PPP1R9A: variants seen among roughly 807,000 people sequenced by gnomAD.
The protein encoded by PPP1R9A is protein phosphatase 1 regulatory subunit 9A, also known as neurabin-1.
In PPP1R9A, 59 loss-of-function variants were observed where a neutral mutation model predicts 141.9. The observed-to-expected ratio is 0.42, with a 90% CI of 0.34 to 0.52. The LOEUF is 0.52. Ranked by LOEUF, PPP1R9A falls within the 20% of genes least tolerant of loss-of-function variation. PPP1R9A has a pLI of 0.10. For missense variants in PPP1R9A, 1,444 were observed against 1,611.9 expected (o/e 0.90, Z 1.78); for synonymous variants, 500 against 569.7 (o/e 0.88, Z 1.74).
Position 95,269,258 on chromosome 7 carries a change from A to T in PPP1R9A, c.2875A>T (p.Lys959Ter). 1 of 1,571,680 alleles carries T rather than the reference A, an allele frequency of 6.4e-7. No homozygotes were observed. The change falls in exon 14 of 20, where the codon AAG becomes TAG. Residue 959 changes from lysine to a stop codon, truncating the protein, a stop_gained. Transcript: ENST00000433360. LOFTEE classifies it high-confidence loss of function. ...HMHITKLLPP[K>*]GLRTSSPESD... Reference sequence around the variant, plus strand: ...GCATATTACCAAATTACTTCCACCTAAGGGTTTGAGAACGTCTTCTCCAGA... The same window carrying T: ...GCATATTACCAAATTACTTCCACCTTAGGGTTTGAGAACGTCTTCTCCAGA...
At chr7:95,167,172 T>C (rs1455796329) in intron 5 of PPP1R9A, among the ~76,000 whole-genome samples, 2 of 152,106 alleles carry the variant, frequency 1.3e-5, no homozygotes, top group African/African-American at 4.8e-5. Flanking sequence ...ACATCTTACA[T>C]GGATGACAGC....
intron 2 of PPP1R9A, among the ~76,000 whole-genome samples, chr7:95,058,803 T>C (rs1313539585): frequency 3.3e-5 from 5 of 151,968 alleles, no homozygotes; most frequent in Non-Finnish European, 5.9e-5. Flanking sequence ...TTTCTTTTTT[T>C]TTTTGAGATG....
intron 12 of PPP1R9A, among the ~76,000 whole-genome samples, chr7:95,262,930 T>G (rs371854285): frequency 1.3e-5 from 2 of 152,170 alleles, no homozygotes; most frequent in Non-Finnish European, 1.5e-5. Flanking sequence ...CCGTGTCTAA[T>G]TCAGTACATC....
intron 5 of PPP1R9A, among the ~76,000 whole-genome samples, chr7:95,189,788 C>T (rs1335555796): frequency 2.0e-5 from 3 of 152,096 alleles, no homozygotes; most frequent in Admixed American, 6.5e-5. Context: ...GGGTTAAAGA[C>T]CTTGACTTTG....
At chr7:95,044,972 T>C (rs1005439420) in intron 2 of PPP1R9A, among the ~76,000 whole-genome samples, 8 of 151,988 alleles carry the variant, frequency 5.3e-5, no homozygotes, top group Non-Finnish European at 1.0e-4. Flanking sequence ...ATAAAAATGA[T>C]GAAAATAATA....
intron 2 of PPP1R9A, among the ~76,000 whole-genome samples, chr7:94,979,179 CAGTT>C (rs1366662188): frequency 2.0e-5 from 3 of 152,150 alleles, no homozygotes; most frequent in African/African-American, 7.2e-5. Context: ...AAGGGAGAGA[CAGTT>C]GGTTTACTAT....
chr7:95,074,454 T>G (rs1563199742), intron 2 of PPP1R9A, among the ~76,000 whole-genome samples: 1 of 142,798 alleles, frequency 7.0e-6, no homozygotes, highest in African/African-American at 2.7e-5. Context: ...AAGACTACAT[T>G]GCTTTTTTTT....
intron 6 of PPP1R9A, among the ~76,000 whole-genome samples, chr7:95,200,997 C>T (rs1563405874): frequency 6.6e-6 from 1 of 152,158 alleles, no homozygotes; most frequent in Admixed American, 6.5e-5. Flanking sequence ...CATGTAAGAA[C>T]ACTCCTGCAG....
At chr7:95,190,217 C>G (rs957923264) in intron 5 of PPP1R9A, among the ~76,000 whole-genome samples, 5 of 152,166 alleles carry the variant, frequency 3.3e-5, no homozygotes, top group Admixed American at 1.3e-4. Flanking sequence ...CATGGGTGAT[C>G]CCTTGATGTG....
intron 7 of PPP1R9A, among the ~76,000 whole-genome samples, chr7:95,212,748 C>T (rs1792401694): frequency 6.6e-6 from 1 of 152,120 alleles, no homozygotes; most frequent in Admixed American, 6.6e-5. Flanking sequence ...ATTGATCCTG[C>T]TGTACCTGGT....
chr7:95,295,175 CGAGGTCAGTCAG>C lies in PPP1R9A; in HGVS notation c.*4875_*4886del, dbSNP rs374956419. On this transcript the variant is annotated 3_prime_UTR_variant, in exon 20 of 20. Transcript: ENST00000433360. ...AAAATATATTGTGTATGGAACTTGG[CGAGGTCAGTCAG>C]GACCTGGAGCTGTAATCATAGCCTT... The C allele has an allele frequency of 5.9e-4, 90 of 152,702 alleles. No individual in the cohort carries two copies. Among genetic ancestry groups the C allele is most frequent in the African/African-American group, 2.1e-3 (86 of 41,552 alleles). The allele number at this position is 152,702 out of a possible 1,614,324, so 9.5% of individuals were successfully genotyped here. A position where few individuals can be genotyped will look rare whatever the true frequency, so the allele number is the denominator to read the frequency against.
intron 2 of PPP1R9A, among the ~76,000 whole-genome samples, chr7:94,930,164 A>G (rs1327855833): frequency 6.6e-6 from 1 of 152,154 alleles, no homozygotes; most frequent in African/African-American, 2.4e-5. Flanking sequence ...TGTCATTGGG[A>G]TACTGTGAGG....
At chr7:95,282,111 C>G (rs1804352554) in intron 16 of PPP1R9A, among the ~76,000 whole-genome samples, 1 of 139,752 alleles carries the variant, frequency 7.2e-6, no homozygotes. Flanking sequence ...CCTGTAATCG[C>G]AGCACTTTGG....
chr7:94,911,441 T>C lies in PPP1R9A; in HGVS notation c.1328T>C (p.Val443Ala). The change falls in exon 2 of 20, where the codon GTT (valine) becomes GCT (alanine). Residue 443 changes from valine (V) to alanine (A), a missense_variant. By Grantham distance (64) the Val-to-Ala change is moderately conservative. Around this residue, in one of 5 missense-constraint regions of PPP1R9A, gnomAD observed 490 missense variants for 521.1 expected, o/e 0.94. Transcript: ENST00000433360. Reference protein sequence around the residue: ...YQPDMEYSEIVGLPEEEEIPA... With the variant: ...YQPDMEYSEIAGLPEEEEIPA... Reference sequence around the variant, plus strand: ...CCTGATATGGAGTACTCGGAAATTGTTGGATTGCCAGAAGAAGAAGAAATC... The same window carrying C: ...CCTGATATGGAGTACTCGGAAATTGCTGGATTGCCAGAAGAAGAAGAAATC... 3.1e-6 allele frequency: 5 copies of C among 1,613,844 alleles called. No individual in the cohort carries two copies. The highest frequency in any genetic ancestry group is 2.2e-5 in the East Asian group (1 of 44,886).
At chr7:95,130,277 G>T (rs866083102) in intron 4 of PPP1R9A, among the ~76,000 whole-genome samples, 2 of 152,160 alleles carry the variant, frequency 1.3e-5, no homozygotes, top group African/African-American at 4.8e-5. Context: ...GGTAGCTAGC[G>T]CTTGGGCTGT....
chr7:95,097,898 G>A (rs1818254210), intron 2 of PPP1R9A, among the ~76,000 whole-genome samples: 1 of 152,212 alleles, frequency 6.6e-6, no homozygotes, highest in African/African-American at 2.4e-5. Context: ...ATTGGTTTAT[G>A]CATATGTTGA....
At chr7:94,981,779 AGTTG>A (rs1054855788) in intron 2 of PPP1R9A, among the ~76,000 whole-genome samples, 1 of 152,036 alleles carries the variant, frequency 6.6e-6, no homozygotes, top group Non-Finnish European at 1.5e-5. Context: ...GGTTGTTACA[AGTTG>A]CTGTGATTAT....
intron 2 of PPP1R9A, among the ~76,000 whole-genome samples, chr7:95,025,265 C>T (rs1314121618): frequency 4.8e-4 from 73 of 152,046 alleles, no homozygotes; most frequent in Non-Finnish European, 4.4e-5. Flanking sequence ...CGGGGTTTCA[C>T]CATGTTGGCC....
intron 2 of PPP1R9A, among the ~76,000 whole-genome samples, chr7:94,959,126 GGA>G (rs1333693074): frequency 6.6e-6 from 1 of 151,772 alleles, no homozygotes; most frequent in Non-Finnish European, 1.5e-5. Context: ...TTTTGCCTAT[GGA>G]AAGAATCATT....
Sources: gnomAD v4.1 joint callset for allele counts (sites outside exome capture counted in the v4.1 genomes callset) on GRCh38, gnomAD v4.1.1 for gene constraint, gnomAD v4.1.1 regional missense constraint, MANE v1.5 for transcripts, NCBI Gene and HGNC (gene_info 2026-07-23, HGNC 2026-07-21) for gene names.